SPINK13: variants seen among roughly 807,000 people sequenced by gnomAD.
The protein encoded by SPINK13 is serine protease inhibitor Kazal-type 13.
In SPINK13, 11 loss-of-function variants were observed where a neutral mutation model predicts 11.0. That is an observed-to-expected ratio of 1.00 (90% confidence interval 0.63 to 1.65). The LOEUF (loss-of-function observed/expected upper bound fraction) is 1.65, where lower values mean the gene tolerates loss of function less well. SPINK13 is among the 40% of genes most tolerant of loss of function. The pLI is 0.00. For synonymous variants in SPINK13, 31 were observed against 35.6 expected (o/e 0.87, Z 0.46); for missense variants, 113 against 117.7 (o/e 0.96, Z 0.19).
At chr5:148,282,578 A>G (rs1212672118) in intron 4 of SPINK13, among the ~76,000 whole-genome samples, 1 of 152,242 alleles carries the variant, frequency 6.6e-6, no homozygotes, top group African/African-American at 2.4e-5. Flanking sequence ...TGTCACATTG[A>G]CAAACCTATG....
intron 2 of SPINK13, among the ~76,000 whole-genome samples, chr5:148,273,644 T>C (rs1756382041): frequency 6.6e-6 from 1 of 152,240 alleles, no homozygotes; most frequent in South Asian, 2.1e-4. Context: ...TTAGTAGTCT[T>C]TTCTTTGTGG....
intron 2 of SPINK13, 82 bp from the exon 3 acceptor site, chr5:148,274,265 C>A (rs1756392022): frequency 4.5e-6 from 4 of 898,124 alleles, no homozygotes; most frequent in African/African-American, 3.4e-5. Context: ...TTACATTATT[C>A]AATCAGTGAC....
At chr5:148,285,899 T>A (rs1247201713) in intron 4 of SPINK13, 101 bp from the exon 5 acceptor site, 9 of 599,494 alleles carry the variant, frequency 1.5e-5, no homozygotes, top group Non-Finnish European at 2.3e-5. Flanking sequence ...TAAAAGCAGC[T>A]CCCTTTTCAG....
At chr5:148,279,988 TC>T (rs1332323230) in intron 3 of SPINK13, among the ~76,000 whole-genome samples, 1 of 152,192 alleles carries the variant, frequency 6.6e-6, no homozygotes, top group Non-Finnish European at 1.5e-5. Context: ...TTCCTTTTCA[TC>T]CTTTTTTCTC....
intron 2 of SPINK13, among the ~76,000 whole-genome samples, chr5:148,272,358 A>T (rs1028875188): frequency 1.9e-4 from 29 of 152,180 alleles, no homozygotes; most frequent in Non-Finnish European, 3.2e-4. Flanking sequence ...TAGAAAATTA[A>T]AATTTAAAAA....
chr5:148,279,408 G>A (rs1285451894), intron 3 of SPINK13, among the ~76,000 whole-genome samples: 1 of 152,066 alleles, frequency 6.6e-6, no homozygotes, highest in Non-Finnish European at 1.5e-5. Context: ...TTTTTGCAGT[G>A]GCTGATACCG....
intron 3 of SPINK13, among the ~76,000 whole-genome samples, chr5:148,276,827 C>T (rs1470497399): frequency 1.3e-5 from 2 of 152,156 alleles, no homozygotes; most frequent in East Asian, 3.8e-4. Flanking sequence ...TCAATGATAG[C>T]TTGATGGGAA....
chr5:148,273,750 T>TG (rs1467218774), intron 2 of SPINK13, among the ~76,000 whole-genome samples: 1 of 152,240 alleles, frequency 6.6e-6, no homozygotes, highest in African/African-American at 2.4e-5. Context: ...TAAATATCAC[T>TG]TAACAGTGAC....
intron 3 of SPINK13, among the ~76,000 whole-genome samples, chr5:148,275,933 T>C (rs1756421128): frequency 6.6e-6 from 1 of 152,144 alleles, no homozygotes; most frequent in Non-Finnish European, 1.5e-5. Context: ...AGTGCTGGGA[T>C]TACAGACGTG....
Position 148,284,266 on chromosome 5 carries a change from A to G in SPINK13, c.237-1734A>G, listed in dbSNP as rs1004490944. The stretch of plus-strand genomic sequence containing the variant: ...TCCTTGGGCTTCTAGGTCATCCTCC[A>G]GAAGCTGGTAATAATTCCTGGTGTA... On this transcript the variant is annotated intron_variant, in intron 4 of 4. Transcript: ENST00000398450. Among the ~76,000 whole-genome samples the G allele has an allele frequency of 3.4e-5, 5 of 145,714 alleles. No individual in the cohort carries two copies. In the South Asian group the frequency reaches 6.4e-4, roughly 19 times the overall value.
intron 4 of SPINK13, among the ~76,000 whole-genome samples, chr5:148,283,093 C>T (rs555196344): frequency 7.2e-5 from 11 of 152,238 alleles, no homozygotes; most frequent in African/African-American, 2.4e-4. Context: ...GCTGTCTTCT[C>T]CCAGTGGACT....
chr5:148,270,595 A>T (rs1193135126), intron 2 of SPINK13, among the ~76,000 whole-genome samples: 1 of 152,200 alleles, frequency 6.6e-6, no homozygotes, highest in Non-Finnish European at 1.5e-5. Flanking sequence ...AATGTATAAA[A>T]ACAAAACCTA....
chr5:148,280,257 A>T (rs1756492936), intron 3 of SPINK13, among the ~76,000 whole-genome samples: 1 of 152,004 alleles, frequency 6.6e-6, no homozygotes, highest in African/African-American at 2.4e-5. Context: ...GAAGCTTGTT[A>T]TTACCCACCT....
At position 148,270,156 on chromosome 5, in the gene SPINK13, G is replaced by A. The variant is rs779523222; in HGVS notation, c.70+14G>A. On this transcript the variant is annotated intron_variant, in intron 2 of 4. Transcript: ENST00000398450. ...TGGCTTTCTCAGGTGAGTAACCTAA[G>A]AGGTTTTGGGAGATAAACTCTGATT... 3.7e-6 allele frequency: 6 copies of A among 1,610,874 alleles called. No individual in the cohort carries two copies. The South Asian group carries it at 5.5e-5, about 15-fold the overall frequency.
intron 3 of SPINK13, among the ~76,000 whole-genome samples, chr5:148,275,940 C>T (rs562127747): frequency 1.8e-4 from 27 of 152,212 alleles, no homozygotes; most frequent in East Asian, 9.7e-4. Context: ...GGATTACAGA[C>T]GTGAGCCACT....
chr5:148,285,036 G>T (rs1324442763), intron 4 of SPINK13, among the ~76,000 whole-genome samples: 4 of 152,118 alleles, frequency 2.6e-5, no homozygotes, highest in African/African-American at 9.7e-5. Context: ...AATACGTTTT[G>T]AAATCATTGA....
intron 4 of SPINK13, among the ~76,000 whole-genome samples, chr5:148,282,900 T>A (rs143662798): frequency 6.6e-6 from 1 of 152,318 alleles, no homozygotes; most frequent in African/African-American, 2.4e-5. Context: ...ACCTGTGAGA[T>A]CTTCTCTGTT....
chr5:148,274,043 C>A (rs1374633019), intron 2 of SPINK13, among the ~76,000 whole-genome samples: 2 of 151,966 alleles, frequency 1.3e-5, no homozygotes, highest in African/African-American at 4.8e-5. Flanking sequence ...GAAGAGGAAG[C>A]TAAAGCCAAT....
rs1033238729 is a variant in SPINK13 at position 148,274,399 on chromosome 5, C to T, written c.108+15C>T. ...GGTGGCCTAAGGTAAATTTAAATTT[C>T]TCAGTTCTAGGTTGTAATTCTAGTC... On this transcript the variant is annotated intron_variant, in intron 3 of 4. Transcript: ENST00000398450. The T allele has an allele frequency of 6.2e-7, 1 of 1,606,124 alleles. No individual in the cohort carries two copies. The highest frequency in any genetic ancestry group is 1.1e-5 in the South Asian group (1 of 90,802).
Sources: allele counts gnomAD v4.1 joint callset (sites outside exome capture counted in the v4.1 genomes callset), GRCh38; gene constraint gnomAD v4.1.1; transcripts MANE v1.5; gene names NCBI Gene and HGNC (gene_info 2026-07-23, HGNC 2026-07-21).